MAGEA11: variants seen among roughly 807,000 people sequenced by gnomAD.
MAGEA11 encodes the protein MAGE family member A11.
A neutral mutation model predicts 8.4 loss-of-function variants in MAGEA11; 1 was observed. The observed-to-expected ratio is 0.12, with a 90% CI of 0.04 to 0.57. MAGEA11 has a LOEUF of 0.57. Ranked by LOEUF, MAGEA11 falls within the 20% of genes least tolerant of loss-of-function variation. The pLI is 0.91. For synonymous variants in MAGEA11, 127 were observed against 119.3 expected (o/e 1.06, Z -0.42); for missense variants, 209 against 317.3 (o/e 0.66, Z 2.59).
intron 2 of MAGEA11, 137 bp from the exon 3 acceptor site, chrX:149,714,344 T>C: frequency 1.0e-6 from 1 of 958,441 alleles, no homozygotes; most frequent in South Asian, 2.7e-5. Context: ...CTGGCAGAAG[T>C]AAAGATGAAA....
At chrX:149,706,055 T>C (rs1413506325) in intron 1 of MAGEA11, among the ~76,000 whole-genome samples, 1 of 112,106 alleles carries the variant, frequency 8.9e-6, no homozygotes, top group East Asian at 2.8e-4. Context: ...CATGACATCT[T>C]GCAGGGCTCC....
At chrX:149,711,517 C>T (rs1239722767), upstream of MAGEA11, among the ~76,000 whole-genome samples, 3 of 111,672 alleles carry the variant, frequency 2.7e-5, no homozygotes, top group African/African-American at 9.8e-5. Context: ...GCCTGGGATC[C>T]GCAGCTATTG....
At chrX:149,693,659 T>G (rs12013343) in intron 1 of MAGEA11, among the ~76,000 whole-genome samples, 34,964 of 111,313 alleles carry the variant, frequency 0.31, 4,915 homozygotes, top group East Asian at 0.95. Flanking sequence ...TTGTGCCATA[T>G]CAAATTCCAG....
Position 149,712,072 on chromosome X carries a change from C to T in MAGEA11, c.-108C>T. 1 of 752,226 alleles carries T rather than the reference C, an allele frequency of 1.3e-6. No individual in the cohort carries two copies. The highest frequency in any genetic ancestry group is 1.6e-6 in the Non-Finnish European group (1 of 637,533). The allele number at this position is 752,226 out of a possible 1,213,427, so 62.0% of individuals were successfully genotyped here. A position where few individuals can be genotyped will look rare whatever the true frequency, so the allele number is the denominator to read the frequency against. On this transcript the variant is annotated 5_prime_UTR_variant, in exon 1 of 5. Coordinates refer to ENST00000355220, the MANE Select transcript of MAGEA11 (RefSeq NM_005366.5). ...GGATGTGACCTCCATTGGCTTCCGC[C>T]TCTGGGATCTGAGAGAAGCGAAAGC...
chrX:149,713,374 G>A (rs2090411909), intron 2 of MAGEA11, 119 bp downstream of exon 2: 2 of 467,575 alleles, frequency 4.3e-6, no homozygotes, highest in Admixed American at 7.7e-5. Flanking sequence ...TGGAGCCTCA[G>A]GTCAACCCAG....
Position 149,715,640 on chromosome X carries a change from C to T in MAGEA11, c.229C>T (p.Pro77Ser). 1 of 1,208,923 alleles carries T rather than the reference C, an allele frequency of 8.3e-7. No homozygotes were observed. The highest frequency in any genetic ancestry group is 1.1e-6 in the Non-Finnish European group (1 of 893,341). Residue 77 changes from proline (P) to serine (S), a missense_variant, in exon 4 of 5, where the codon CCC becomes TCC. By Grantham distance (74) the Pro-to-Ser change is moderately conservative. Coordinates refer to ENST00000355220, the MANE Select transcript of MAGEA11 (RefSeq NM_005366.5). ...REQANLEDRS[P>S]RRTQRITGGE... ...ACAGGCCAACCTGGAGGACAGGAGT[C>T]CCAGGAGAACCCAGAGGATCACTGG...
intron 1 of MAGEA11, among the ~76,000 whole-genome samples, chrX:149,698,300 T>C (rs782444730): frequency 9.0e-6 from 1 of 111,693 alleles, no homozygotes; most frequent in South Asian, 3.8e-4. Context: ...TTTTTTCATG[T>C]CCTATATCAA....
chrX:149,709,570 A>G (rs371047375), upstream of MAGEA11, among the ~76,000 whole-genome samples: 1 of 112,035 alleles, frequency 8.9e-6, no homozygotes, highest in Admixed American at 9.5e-5. Flanking sequence ...ACTTAAACCA[A>G]AGTTACTCAC....
intron 1 of MAGEA11, among the ~76,000 whole-genome samples, chrX:149,703,478 G>T (rs1051460928): frequency 1.8e-5 from 2 of 111,422 alleles, no homozygotes; most frequent in Admixed American, 9.6e-5. Context: ...TTCACCTGGA[G>T]GACTCTCCCT....
rs782141550 is a variant in MAGEA11 at position 149,714,557 on chromosome X, A to G, written c.173A>G (p.Gln58Arg). The G allele has an allele frequency of 1.7e-6, 2 of 1,211,400 alleles. No individual in the cohort carries two copies. Among genetic ancestry groups the G allele is most frequent in the Admixed American group, 4.3e-5 (2 of 46,068 alleles). Residue 58 changes from glutamine to arginine, a missense_variant, in exon 3 of 5, where the codon CAG (glutamine) becomes CGG (arginine). Gln to Arg is a conservative substitution (Grantham distance 43). This residue lies in a region of MAGEA11 where 131 missense variants were observed against 138.5 expected (regional missense o/e 0.95). Transcript: ENST00000355220. ...TATGGTCCACAACTACAGTGGTCCC[A>G]GGATCTGCCAAGAGTCCAGGTGAGA... Reference protein sequence around the residue: ...APYGPQLQWSQDLPRVQVFRE... With the variant: ...APYGPQLQWSRDLPRVQVFRE...
intron 1 of MAGEA11, among the ~76,000 whole-genome samples, chrX:149,693,685 C>T (rs1032036328): frequency 2.7e-5 from 3 of 111,854 alleles, no homozygotes; most frequent in Non-Finnish European, 5.6e-5. Flanking sequence ...TTTCATTATC[C>T]CCAAGAGAAA....
intron 1 of MAGEA11, among the ~76,000 whole-genome samples, chrX:149,704,159 C>T (rs782396917): frequency 1.8e-5 from 2 of 111,972 alleles, no homozygotes; most frequent in East Asian, 2.8e-4. Flanking sequence ...GAAACAGAAT[C>T]CTACCCAATG....
Position 149,715,570 on chromosome X carries a change from G to A in MAGEA11, c.193-34G>A, listed in dbSNP as rs201406963. The A allele has an allele frequency of 7.6e-6, 8 of 1,053,400 alleles. No individual in the cohort carries two copies. The East Asian group carries it at 1.8e-4, about 24-fold the overall frequency. 86.8% of individuals were successfully genotyped at this position (1,053,400 alleles called of 1,213,427 possible). On this transcript the variant is annotated intron_variant, in intron 3 of 4. Coordinates refer to ENST00000355220, the MANE Select transcript of MAGEA11 (RefSeq NM_005366.5). The stretch of plus-strand genomic sequence containing the variant: ...GAGCCTCCTGCTCTGATGTCCAGCT[G>A]CATCTTGAGCAGCCTTCTCACTTCC...
At chrX:149,699,295 G>A (rs973604097) in intron 1 of MAGEA11, among the ~76,000 whole-genome samples, 1 of 111,941 alleles carries the variant, frequency 8.9e-6, no homozygotes. Flanking sequence ...CCAATTTGGA[G>A]CTCTGAAGCA....
chrX:149,711,930 A>ACCCCG (rs1179908947), upstream of MAGEA11: 6 of 121,749 alleles, frequency 4.9e-5, no homozygotes, highest in Admixed American at 2.6e-4. Flanking sequence ...CCCCTGCCCC[A>ACCCCG]CCCCGCCCCG....
exon 1 of MAGEA11, chrX:149,688,973 C>T (rs1343397134): frequency 9.8e-7 from 1 of 1,024,978 alleles, no homozygotes; most frequent in African/African-American, 1.9e-5. Flanking sequence ...GCTAGGAATA[C>T]CAATGAGCAA....
Position 149,692,406 on chromosome X carries a change from C to G in MAGEA11, c.9+3422C>G, listed in dbSNP as rs184701445. Among the ~76,000 whole-genome samples the G allele has an allele frequency of 2.9e-3, 277 of 94,913 alleles. 1 individual carries two copies. Among genetic ancestry groups the G allele is most frequent in the African/African-American group, 0.01 (270 of 26,085 alleles). 82.4% of individuals were successfully genotyped at this position (94,913 alleles called of 115,157 possible). A position where few individuals can be genotyped will look rare whatever the true frequency, so the allele number is the denominator to read the frequency against. ...TGGGCACCAGAGTGAGACCCTGTCT[C>G]AAAAAAAAAAAAAGTGGAGCAGTAG... On this transcript the variant is annotated intron_variant, in intron 1 of 3. Coordinates refer to the MAGEA11 transcript ENST00000333104.
At chrX:149,698,347 C>T (rs920623645) in intron 1 of MAGEA11, among the ~76,000 whole-genome samples, 5 of 110,700 alleles carry the variant, frequency 4.5e-5, no homozygotes, top group Admixed American at 1.9e-4. Flanking sequence ...CTTGTCTAGA[C>T]TTTTTATCAT....
At chrX:149,696,004 A>T (rs1602922769) in intron 1 of MAGEA11, among the ~76,000 whole-genome samples, 1 of 111,126 alleles carries the variant, frequency 9.0e-6, no homozygotes, top group East Asian at 2.8e-4. Flanking sequence ...CGTCTGGATT[A>T]GCACATGGGG....
Sources: allele counts gnomAD v4.1 joint callset (sites outside exome capture counted in the v4.1 genomes callset), GRCh38; gene constraint gnomAD v4.1.1; regional missense constraint gnomAD v4.1.1; transcripts MANE v1.5; gene names NCBI Gene and HGNC (gene_info 2026-07-23, HGNC 2026-07-21).